The following FAM167A variants were observed in gnomAD, a reference collection of about 807,000 sequenced individuals.
FAM167A encodes the protein family with sequence similarity 167 member A.
FAM167A carries 23 observed loss-of-function variants against 14.9 expected under a neutral mutation model. The observed-to-expected ratio is 1.55, with a 90% CI of 1.11 to 2.19. The LOEUF is 2.19. Ranked by LOEUF, FAM167A falls within the 30% of genes most tolerant of loss-of-function variation. The pLI, the probability that FAM167A is intolerant of heterozygous loss-of-function variation, is 0.00. For synonymous variants in FAM167A, 174 were observed against 117.7 expected, an observed-to-expected ratio of 1.48 and a Z score of -3.10; for missense variants, 401 against 281.5, an observed-to-expected ratio of 1.42 and a Z score of -3.04.
chr8:11,430,899 C>G (rs1805535423), intron 2 of FAM167A, among the ~76,000 whole-genome samples: 1 of 152,186 alleles, frequency 6.6e-6, no homozygotes, highest in South Asian at 2.1e-4. Flanking sequence ...GGGGGTCTCT[C>G]TGGACCTGGG....
Position 11,474,770 on chromosome 8 carries a change from C to T in FAM167A, c.-398+1096G>A, listed in dbSNP as rs1359882069. 2.7e-5 allele frequency: 4 copies of T among 150,766 alleles called. No homozygotes were observed. In the Admixed American group the frequency reaches 2.7e-4, roughly 10 times the overall value. 9.3% of individuals were successfully genotyped at this position (150,766 alleles called of 1,614,324 possible). A position where few individuals can be genotyped will look rare whatever the true frequency, so the allele number is the denominator to read the frequency against. On this transcript the variant is annotated intron_variant, in intron 1 of 1. Transcript: ENST00000648766. The stretch of plus-strand genomic sequence containing the variant: ...TGGCTCTGTGGGATGACGCCATAGG[C>T]TTACGGGGAGGAGACAGGGAGTAGG...
At chr8:11,453,587 G>A (rs1306660326) in intron 1 of FAM167A, among the ~76,000 whole-genome samples, 1 of 152,212 alleles carries the variant, frequency 6.6e-6, no homozygotes, top group African/African-American at 2.4e-5. Flanking sequence ...CCCTGTGGAG[G>A]TGGAGGGGAG....
At chr8:11,474,819 A>T in intron 1 of FAM167A, 1 of 145,426 alleles carries the variant, frequency 6.9e-6, no homozygotes, top group Non-Finnish European at 1.5e-5. Context: ...GAGGAAAAGG[A>T]GGGGGTAAGG....
intron 2 of FAM167A, chr8:11,438,300 T>TG (rs1806181401): frequency 1.2e-5 from 5 of 401,834 alleles, no homozygotes; most frequent in South Asian, 7.4e-5. Flanking sequence ...ACCTCCCGGT[T>TG]GGGGTCAGCT....
At chr8:11,466,927 G>A (rs1379844299), upstream of FAM167A, among the ~76,000 whole-genome samples, 2 of 152,176 alleles carry the variant, frequency 1.3e-5, no homozygotes, top group African/African-American at 4.8e-5. Context: ...TCACCGGCCC[G>A]GGCAGCCCCC....
intron 1 of FAM167A, among the ~76,000 whole-genome samples, chr8:11,456,608 G>C (rs1014726212): frequency 3.3e-5 from 5 of 150,704 alleles, no homozygotes; most frequent in African/African-American, 9.8e-5. Context: ...TAGCTGCCCT[G>C]CTAGGTGTGT....
upstream of FAM167A, chr8:11,466,849 A>G (rs1324258127): frequency 1.3e-5 from 2 of 150,738 alleles, no homozygotes; most frequent in Non-Finnish European, 3.0e-5. Context: ...CGAGCCTTTC[A>G]CCGCGATCCC....
intron 2 of FAM167A, among the ~76,000 whole-genome samples, chr8:11,440,707 C>G (rs933548048): frequency 3.3e-5 from 5 of 152,216 alleles, no homozygotes; most frequent in Non-Finnish European, 5.9e-5. Flanking sequence ...GATTTCTAAT[C>G]GATTTCCTTG....
intron 1 of FAM167A, among the ~76,000 whole-genome samples, chr8:11,462,585 C>T (rs1807583578): frequency 6.6e-6 from 1 of 152,194 alleles, no homozygotes; most frequent in South Asian, 2.1e-4. Context: ...ACTGCATCAG[C>T]AACCTCGCCA....
At chr8:11,460,985 C>G (rs1049910778) in intron 1 of FAM167A, among the ~76,000 whole-genome samples, 1 of 152,256 alleles carries the variant, frequency 6.6e-6, no homozygotes, top group African/African-American at 2.4e-5. Context: ...AGTCCTCCTG[C>G]AGGAAGGCTG....
chr8:11,469,487 A>G (rs1404691262), upstream of FAM167A, among the ~76,000 whole-genome samples: 2 of 105,166 alleles, frequency 1.9e-5, no homozygotes, highest in Non-Finnish European at 4.8e-5. Context: ...TTGATTCCTT[A>G]CAGAGAAGTT....
rs1806648115 is a variant in FAM167A, at chr8:11,444,362, G to GCCCCCTCTTCTGCACCCA, written c.32_49dup (p.Val11_Gly16dup). On this transcript the variant is annotated inframe_insertion, in exon 2 of 3. Transcript: ENST00000284486. Reference sequence around the variant, plus strand: ...GTCATCGGGTGGTGCGGCTGCTCCCGCCCCCTCTTCTGCACCCACTTCTTC... The same window carrying GCCCCCTCTTCTGCACCCA: ...GTCATCGGGTGGTGCGGCTGCTCCCGCCCCCTCTTCTGCACCCACCCCCTCTTCTGCACCCACTTCTTC... 1 of 1,592,034 alleles carries GCCCCCTCTTCTGCACCCA rather than the reference G, an allele frequency of 6.3e-7. No homozygotes were observed. Among genetic ancestry groups the GCCCCCTCTTCTGCACCCA allele is most frequent in the African/African-American group, 1.4e-5 (1 of 73,896 alleles).
rs1450830338 is a variant in FAM167A at position 11,461,226 on chromosome 8, G to T, written c.-398+5400C>A. Among the ~76,000 whole-genome samples, 7 of 152,340 alleles carry T rather than the reference G, an allele frequency of 4.6e-5. 1 individual carries two copies. In the Middle Eastern group the frequency reaches 0.017, roughly 370 times the overall value. ...TCCCTTCCAAGGCTGCGGGGCTCTG[G>T]GAAAGGGCGGCCCTGGCAGGCAGGA... On this transcript the variant is annotated intron_variant, in intron 1 of 2. Transcript: ENST00000284486.
chr8:11,472,443 T>TG (rs1335084344), upstream of FAM167A, among the ~76,000 whole-genome samples: 1 of 139,522 alleles, frequency 7.2e-6, no homozygotes, highest in African/African-American at 3.1e-5. Context: ...TTGGGTTTTT[T>TG]TTTTTTTTTT....
rs574644422 is a variant in FAM167A, at chr8:11,461,940, G to A, written c.-398+4686C>T. On this transcript the variant is annotated intron_variant, in intron 1 of 2. Transcript: ENST00000284486. The stretch of plus-strand genomic sequence containing the variant: ...GTCCTGACCTCTCAGGGGCTAGAAG[G>A]GTCCTTAGGGTTTCCTGGTGTTTGG... Among the ~76,000 whole-genome samples the A allele has an allele frequency of 2.9e-4, 44 of 152,322 alleles. 1 individual carries two copies. In the South Asian group the frequency reaches 8.9e-3, roughly 31 times the overall value.
At chr8:11,430,819 G>T (rs564316559) in intron 2 of FAM167A, among the ~76,000 whole-genome samples, 1 of 152,168 alleles carries the variant, frequency 6.6e-6, no homozygotes, top group Non-Finnish European at 1.5e-5. Flanking sequence ...GAGGAAAAAC[G>T]CAAGGGGAAG....
At chr8:11,434,318 G>A (rs1805841776) in intron 2 of FAM167A, among the ~76,000 whole-genome samples, 1 of 152,200 alleles carries the variant, frequency 6.6e-6, no homozygotes, top group Admixed American at 6.5e-5. Context: ...CTGGTCCTGG[G>A]TTCTCTTTCA....
Position 11,424,417 on chromosome 8 carries a change from C to T in FAM167A, c.601G>A (p.Val201Met), listed in dbSNP as rs368459570. Residue 201 changes from valine to methionine, a missense_variant, in exon 3 of 3, where the codon GTG (valine) becomes ATG (methionine). Transcript: ENST00000284486. ...SLSTPLKLIG[V>M]TKMNINSRRF... The stretch of plus-strand genomic sequence containing the variant: ...CGAGAGTTGATGTTCATCTTGGTCA[C>T]GCCAATAAGCTTGAGTGGTGTGGAG... 43 of 1,613,802 alleles carry T rather than the reference C, an allele frequency of 2.7e-5. No homozygotes were observed. The highest frequency in any genetic ancestry group is 1.6e-4 in the Middle Eastern group (1 of 6,084).
intron 2 of FAM167A, among the ~76,000 whole-genome samples, chr8:11,428,399 G>C (rs1305734743): frequency 1.3e-5 from 2 of 152,248 alleles, no homozygotes; most frequent in Non-Finnish European, 2.9e-5. Flanking sequence ...CTGGACAAAG[G>C]CCGCCTGGAT....
Sources: gnomAD v4.1 joint callset for allele counts (sites outside exome capture counted in the v4.1 genomes callset) on GRCh38, gnomAD v4.1.1 for gene constraint, MANE v1.5 for transcripts, NCBI Gene and HGNC (gene_info 2026-07-23, HGNC 2026-07-21) for gene names.